CDC42EP4: variants seen among roughly 807,000 people sequenced by gnomAD.
CDC42EP4 encodes CDC42 effector protein (Rho GTPase binding) 4.
Under a neutral mutation model 5.6 loss-of-function variants are expected in CDC42EP4, and 6 were observed. That is an observed-to-expected ratio of 1.07 (90% CI 0.59 to 2.12). The LOEUF is 2.12. CDC42EP4 is among the 30% of genes most tolerant of loss of function. The probability of loss-of-function intolerance (pLI) is 0.00; values close to 1 mark genes in which losing one functional copy is unlikely to be tolerated. For missense variants in CDC42EP4, 490 were observed against 508.6 expected, an observed-to-expected ratio of 0.96 and a Z score of 0.35; for synonymous variants, 230 against 224.2, an observed-to-expected ratio of 1.03 and a Z score of -0.23.
chr17:73,291,321 T>G (rs531495502), intron 1 of CDC42EP4, among the ~76,000 whole-genome samples: 1 of 152,148 alleles, frequency 6.6e-6, no homozygotes, highest in Non-Finnish European at 1.5e-5. Flanking sequence ...GGGGCTGCAG[T>G]ACCTGGCAGT....
rs2062185542 is a variant in CDC42EP4 at position 73,296,357 on chromosome 17, G to GGTTA, written c.-112-9746_-112-9745insTAAC. Among the ~76,000 whole-genome samples the GGTTA allele has an allele frequency of 4.7e-5, 7 of 148,128 alleles. No individual in the cohort carries two copies. In the Admixed American group the frequency reaches 4.8e-4, roughly 10 times the overall value. Reference sequence around the variant, plus strand: ...GGCTTGAACCTGGGAGGCAGAGGTTGCAGTGAGCCGAGATCACGCCATTGC... The same window carrying GGTTA: ...GGCTTGAACCTGGGAGGCAGAGGTTGGTTACAGTGAGCCGAGATCACGCCATTGC... On this transcript the variant is annotated intron_variant, in intron 1 of 1. Transcript: ENST00000335793.
intron 1 of CDC42EP4, among the ~76,000 whole-genome samples, chr17:73,303,848 A>G (rs1322463732): frequency 6.6e-6 from 1 of 152,160 alleles, no homozygotes; most frequent in Non-Finnish European, 1.5e-5. Context: ...CACCACCTTA[A>G]GGAATGCACA....
chr17:73,296,796 C>T (rs574186487), intron 1 of CDC42EP4, among the ~76,000 whole-genome samples: 1 of 150,676 alleles, frequency 6.6e-6, no homozygotes, highest in Admixed American at 6.6e-5. Context: ...TCCTGGCTAA[C>T]ATGGTGAAAC....
At position 73,286,466 on chromosome 17, in the gene CDC42EP4, A is replaced by C; in HGVS notation, c.35T>G (p.Val12Gly). ...CGCTCGGGAACGGCGCTTGGAGTGC[A>C]CCGAGCTGGACACCAGTTGCTTGAG... ...PILKQLVSSSVHSKRRSRADL... is the reference protein window; with the variant it reads ...PILKQLVSSSGHSKRRSRADL... The change falls in exon 2 of 2, where the codon GTG (valine) becomes GGG (glycine). Residue 12 changes from valine (V) to glycine (G), a missense_variant. Coordinates refer to ENST00000335793, the MANE Select transcript of CDC42EP4 (RefSeq NM_012121.5). The surrounding 1 kb of genome is among the most constrained non-coding windows in gnomAD (Gnocchi z 7.7). 6.2e-7 allele frequency: 1 copy of C among 1,602,804 alleles called. No individual in the cohort carries two copies. The highest frequency in any genetic ancestry group is 8.5e-7 in the Non-Finnish European group (1 of 1,171,992).
chr17:73,293,022 T>A (rs997439529), intron 1 of CDC42EP4, among the ~76,000 whole-genome samples: 66 of 152,174 alleles, frequency 4.3e-4, no homozygotes, highest in African/African-American at 1.5e-3. Context: ...CCGATTTTTT[T>A]ATGTTTTTAG....
In CDC42EP4 at chr17:73,286,127, T is replaced by G. The variant is rs972446717; in HGVS notation, c.374A>C (p.Lys125Thr). ...ACTGGTGCCCTTCTCCGCGGCCTCC[T>G]TCTCATTGAGCTGGGGCAGGGACAT... ...NAMSLPQLNEKEAAEKGTSKL... is the reference protein window; with the variant it reads ...NAMSLPQLNETEAAEKGTSKL... Residue 125 changes from lysine (K) to threonine (T), a missense_variant, in exon 2 of 2, where the codon AAG becomes ACG. Lys to Thr is a moderately conservative substitution (Grantham distance 78). Coordinates refer to ENST00000335793, the MANE Select transcript of CDC42EP4 (RefSeq NM_012121.5). The surrounding 1 kb of genome is among the most constrained non-coding windows in gnomAD (Gnocchi z 7.7). 6.2e-7 allele frequency: 1 copy of G among 1,614,060 alleles called. No homozygotes were observed. The highest frequency in any genetic ancestry group is 2.2e-5 in the East Asian group (1 of 44,868).
At chr17:73,291,640 T>C (rs1390201877) in intron 1 of CDC42EP4, among the ~76,000 whole-genome samples, 1 of 151,956 alleles carries the variant, frequency 6.6e-6, no homozygotes, top group African/African-American at 2.4e-5. Context: ...GTGGCTAAAA[T>C]AGGCTGCCCA....
rs1230518786 is a variant in CDC42EP4, at chr17:73,285,193, G to A, written c.*237C>T. 6 of 387,076 alleles carry A rather than the reference G, an allele frequency of 1.6e-5. No homozygotes were observed. Among genetic ancestry groups the A allele is most frequent in the Admixed American group, 8.1e-5 (2 of 24,724 alleles). 24.0% of individuals were successfully genotyped at this position (387,076 alleles called of 1,614,324 possible). A position where few individuals can be genotyped will look rare whatever the true frequency, so the allele number is the denominator to read the frequency against. ...TGTGACAACACAGCCCTTGTCCCAC[G>A]CAGCCTAAGTGCAGGGAGCATGATG... On this transcript the variant is annotated 3_prime_UTR_variant, in exon 2 of 2. Transcript: ENST00000335793. This position sits in a 1 kb window ranked among gnomAD's most constrained non-coding sequence, Gnocchi z 6.8.
chr17:73,305,429 T>C (rs2062240172), intron 1 of CDC42EP4, among the ~76,000 whole-genome samples: 1 of 152,182 alleles, frequency 6.6e-6, no homozygotes, highest in Non-Finnish European at 1.5e-5. Flanking sequence ...TGCCAGGCCT[T>C]GTTTGGTTTC....
intron 1 of CDC42EP4, among the ~76,000 whole-genome samples, chr17:73,297,301 A>ACACACACACACACACACACACAC (rs1568343473): frequency 2.7e-5 from 4 of 147,800 alleles, no homozygotes; most frequent in African/African-American, 1.0e-4. Flanking sequence ...TCTCCAAAAA[A>ACACACACACACACACACACACAC]AAAAAAAAAC....
At chr17:73,295,898 T>G (rs2145315923) in intron 1 of CDC42EP4, among the ~76,000 whole-genome samples, 1 of 133,262 alleles carries the variant, frequency 7.5e-6, no homozygotes, top group Non-Finnish European at 1.6e-5. Flanking sequence ...AGAGTGAAAC[T>G]CCATCTCCAA....
intron 1 of CDC42EP4, among the ~76,000 whole-genome samples, chr17:73,309,082 A>AT (rs1228452488): frequency 2.3e-4 from 32 of 139,530 alleles, no homozygotes; most frequent in Admixed American, 1.9e-3. Flanking sequence ...GCAGTGGCTC[A>AT]TACCTGTATG....
chr17:73,307,476 C>A (rs1407253244), intron 1 of CDC42EP4, among the ~76,000 whole-genome samples: 2 of 140,154 alleles, frequency 1.4e-5, no homozygotes, highest in Non-Finnish European at 3.0e-5. Context: ...TAGACGGAGT[C>A]TCGCTCTGTC....
chr17:73,290,970 G>A (rs905986277), intron 1 of CDC42EP4, among the ~76,000 whole-genome samples: 2 of 152,218 alleles, frequency 1.3e-5, no homozygotes, highest in Non-Finnish European at 2.9e-5. Context: ...TGGCTACAGG[G>A]GAGGACAGCT....
At position 73,286,034 on chromosome 17, in the gene CDC42EP4, T is replaced by C. The variant is rs2062131396; in HGVS notation, c.467A>G (p.Glu156Gly). The C allele has an allele frequency of 1.9e-6, 3 of 1,613,788 alleles. No individual in the cohort carries two copies. Among genetic ancestry groups the C allele is most frequent in the East Asian group, 4.5e-5 (2 of 44,858 alleles). ...KANDGEGGDEEAGTEEAVPRR... is the reference protein window; with the variant it reads ...KANDGEGGDEGAGTEEAVPRR... Reference sequence around the variant, plus strand: ...GGGCACTGCCTCCTCCGTGCCCGCCTCCTCATCGCCGCCCTCCCCGTCATT... The same window carrying C: ...GGGCACTGCCTCCTCCGTGCCCGCCCCCTCATCGCCGCCCTCCCCGTCATT... Residue 156 changes from glutamate (E) to glycine (G), a missense_variant, in exon 2 of 2, where the codon GAG (glutamate) becomes GGG (glycine). Glu to Gly is a moderately conservative substitution (Grantham distance 98). Transcript: ENST00000335793. The surrounding 1 kb of genome is among the most constrained non-coding windows in gnomAD (Gnocchi z 7.7).
chr17:73,310,672 A>T (rs2062268689), intron 1 of CDC42EP4, among the ~76,000 whole-genome samples: 1 of 152,084 alleles, frequency 6.6e-6, no homozygotes, highest in South Asian at 2.1e-4. Context: ...AAACTTCCAA[A>T]GCCGAGGCCG....
At chr17:73,293,684 A>G (rs1377461478) in intron 1 of CDC42EP4, among the ~76,000 whole-genome samples, 1 of 152,180 alleles carries the variant, frequency 6.6e-6, no homozygotes, top group African/African-American at 2.4e-5. Context: ...CAACTCTAAG[A>G]GGTGAGGGAC....
In CDC42EP4 at chr17:73,286,414, G is replaced by A. The variant is rs148449750; in HGVS notation, c.87C>T (p.Ala29=). The change falls in exon 2 of 2, where the codon GCC becomes GCT. Residue 29 remains alanine, a synonymous_variant. Coordinates refer to ENST00000335793, the MANE Select transcript of CDC42EP4 (RefSeq NM_012121.5). The surrounding 1 kb of genome is among the most constrained non-coding windows in gnomAD (Gnocchi z 7.7). The part of the protein sequence containing the change: ...RADLTAEMIS[A]PLGDFRHTMH... Reference sequence around the variant, plus strand: ...TGGTGTGGCGGAAGTCGCCCAGCGGGGCGCTGATCATCTCGGCCGTGAGGT... The same window carrying A: ...TGGTGTGGCGGAAGTCGCCCAGCGGAGCGCTGATCATCTCGGCCGTGAGGT... 365 of 1,613,760 alleles carry A rather than the reference G, an allele frequency of 2.3e-4. No individual in the cohort carries two copies. Among genetic ancestry groups the A allele is most frequent in the Non-Finnish European group, 2.7e-4 (321 of 1,179,876 alleles).
intron 1 of CDC42EP4, among the ~76,000 whole-genome samples, chr17:73,307,517 G>A (rs1190971429): frequency 3.4e-5 from 5 of 148,642 alleles, no homozygotes; most frequent in Admixed American, 6.8e-5. Context: ...GCGCGATCTC[G>A]GCTCACTGCA....
Sources: allele counts gnomAD v4.1 joint callset (sites outside exome capture counted in the v4.1 genomes callset), GRCh38; gene constraint gnomAD v4.1.1; non-coding constraint Gnocchi (gnomAD v3.1); transcripts MANE v1.5; gene names NCBI Gene and HGNC (gene_info 2026-07-23, HGNC 2026-07-21).